ZNF93: variants seen among roughly 807,000 people sequenced by gnomAD.
The protein encoded by ZNF93 is zinc finger protein 505.
A neutral mutation model predicts 45.0 loss-of-function variants in ZNF93; 29 were observed. The observed-to-expected ratio is 0.64, with a 90% CI of 0.48 to 0.88. The LOEUF is 0.88. Among genes scored for constraint, ZNF93 ranks in the 40% least tolerant of loss-of-function variants. The probability of loss-of-function intolerance (pLI) is 0.00; values close to 1 mark genes in which losing one functional copy is unlikely to be tolerated. For synonymous variants in ZNF93, 223 were observed against 244.6 expected, an observed-to-expected ratio of 0.91 and a Z score of 0.82; for missense variants, 578 against 724.0, an observed-to-expected ratio of 0.80 and a Z score of 2.31.
At chr19:19,917,004 A>G (rs1057348026) in intron 3 of ZNF93, among the ~76,000 whole-genome samples, 1 of 152,184 alleles carries the variant, frequency 6.6e-6, no homozygotes, top group Non-Finnish European at 1.5e-5. Flanking sequence ...TTGAAAAACT[A>G]AAACTACTTT....
intron 1 of ZNF93, chr19:19,914,627 C>T: frequency 5.1e-6 from 1 of 197,788 alleles, no homozygotes. Flanking sequence ...CATCCTTATC[C>T]AGCGGATTTG....
At chr19:19,930,684 ATC>A (rs1024459869) in intron 3 of ZNF93, among the ~76,000 whole-genome samples, 6 of 152,090 alleles carry the variant, frequency 3.9e-5, no homozygotes, top group Admixed American at 3.3e-4. Flanking sequence ...CTCAGCTCCT[ATC>A]TCTGTATGGC....
chr19:19,919,319 T>G (rs1248945296), intron 3 of ZNF93, among the ~76,000 whole-genome samples: 1 of 152,216 alleles, frequency 6.6e-6, no homozygotes, highest in African/African-American at 2.4e-5. Context: ...TATATCTCTG[T>G]TTTGGTACCA....
chr19:19,904,304 C>T (rs1232072532), intron 1 of ZNF93, among the ~76,000 whole-genome samples: 1 of 152,074 alleles, frequency 6.6e-6, no homozygotes, highest in East Asian at 1.9e-4. Flanking sequence ...TGTGTTTCAT[C>T]TTTCCCCATC....
chr19:19,915,551 T>C, intron 2 of ZNF93, 145 bp downstream of exon 2: 1 of 1,227,158 alleles, frequency 8.1e-7, no homozygotes, highest in Non-Finnish European at 1.1e-6. Flanking sequence ...TTTGTTCATT[T>C]AGAAAAGAAT....
chr19:19,911,807 T>C (rs1425479696), intron 1 of ZNF93, among the ~76,000 whole-genome samples: 1 of 152,036 alleles, frequency 6.6e-6, no homozygotes, highest in African/African-American at 2.4e-5. Flanking sequence ...TGGCTTGCAG[T>C]GGCACGATCT....
chr19:19,933,993 T>C lies in ZNF93; in HGVS notation c.1038T>C (p.Cys346=), dbSNP rs2063383783. The change falls in exon 4 of 4, where the codon TGT becomes TGC. Residue 346 remains cysteine (C), a synonymous_variant. Transcript: ENST00000343769. The stretch of plus-strand genomic sequence containing the variant: ...AGAAACCATACAAGTGTAATAAATG[T>C]GGCAAAGCCTTTATTGCATCCTCAA... ...TGEKPYKCNK[C]GKAFIASSTL... 1.2e-6 allele frequency: 2 copies of C among 1,612,670 alleles called. No homozygotes were observed. The highest frequency in any genetic ancestry group is 2.2e-5 in the East Asian group (1 of 44,880).
Position 19,934,606 on chromosome 19 carries a change from C to T in ZNF93, c.1651C>T (p.His551Tyr), listed in dbSNP as rs1048807592. Residue 551 changes from histidine to tyrosine, a missense_variant, in exon 4 of 4, where the codon CAC becomes TAC. By Grantham distance (83) the His-to-Tyr change is moderately conservative. Around this residue, in one of 3 missense-constraint regions of ZNF93, gnomAD observed 119 missense variants for 123.1 expected, o/e 0.97. Transcript: ENST00000343769. ...TGGCAAAGCTTTTCACCTATCCACACACCTTACTACACATAAGATACTTCA... is the reference window on the plus strand; with the variant it reads ...TGGCAAAGCTTTTCACCTATCCACATACCTTACTACACATAAGATACTTCA... Reference protein sequence around the residue: ...ECGKAFHLSTHLTTHKILHTG... With the variant: ...ECGKAFHLSTYLTTHKILHTG... 1 of 1,613,648 alleles carries T rather than the reference C, an allele frequency of 6.2e-7. No homozygotes were observed. The highest frequency in any genetic ancestry group is 2.2e-5 in the East Asian group (1 of 44,848).
At chr19:19,927,376 C>T (rs2063359517) in intron 3 of ZNF93, 1 of 394,108 alleles carries the variant, frequency 2.5e-6, no homozygotes, top group Admixed American at 4.4e-5. Flanking sequence ...CTGTTCATTT[C>T]AGGCATGTTA....
chr19:19,910,339 C>T (rs2063304232), intron 1 of ZNF93, among the ~76,000 whole-genome samples: 1 of 152,156 alleles, frequency 6.6e-6, no homozygotes, highest in South Asian at 2.1e-4. Context: ...TCTCTTGAAA[C>T]TGTTCACTAT....
intron 1 of ZNF93, among the ~76,000 whole-genome samples, chr19:19,906,674 G>A (rs76627390): frequency 0.028 from 4,280 of 152,078 alleles, 141 homozygotes; most frequent in African/African-American, 0.084. Context: ...TTTCATTTAA[G>A]TGTTTAATTT....
chr19:19,905,901 T>G (rs1266600631), intron 1 of ZNF93, among the ~76,000 whole-genome samples: 1 of 152,214 alleles, frequency 6.6e-6, no homozygotes, highest in South Asian at 2.1e-4. Flanking sequence ...CATACTGTAT[T>G]TTCTTTATTC....
Position 19,934,595 on chromosome 19 carries a change from A to G in ZNF93, c.1640A>G (p.His547Arg). 1 of 1,613,850 alleles carries G rather than the reference A, an allele frequency of 6.2e-7. No homozygotes were observed. Among genetic ancestry groups the G allele is most frequent in the Non-Finnish European group, 8.5e-7 (1 of 1,179,986 alleles). The change falls in exon 4 of 4, where the codon CAC (histidine) becomes CGC (arginine). Residue 547 changes from histidine (H) to arginine (R), a missense_variant. Transcript: ENST00000343769. ...TGTGAAGAATGTGGCAAAGCTTTTC[A>G]CCTATCCACACACCTTACTACACAT... ...YKCEECGKAFHLSTHLTTHKI... is the reference protein window; with the variant it reads ...YKCEECGKAFRLSTHLTTHKI...
intron 3 of ZNF93, 132 bp downstream of exon 3, chr19:19,916,787 TG>T (rs1390312154): frequency 7.8e-6 from 5 of 643,848 alleles, no homozygotes; most frequent in Non-Finnish European, 1.3e-5. Flanking sequence ...AGCTGTTTTT[TG>T]TTTTTGTTTC....
chr19:19,933,613 AAG>A lies in ZNF93; in HGVS notation c.662_663del (p.Arg221AsnfsTer11), dbSNP rs780348112. 6.8e-6 allele frequency: 11 copies of A among 1,609,848 alleles called. No homozygotes were observed. Among genetic ancestry groups the A allele is most frequent in the Non-Finnish European group, 8.5e-6 (10 of 1,178,276 alleles). On this transcript the variant is annotated frameshift_variant, in exon 4 of 4. Coordinates refer to ENST00000343769, the MANE Select transcript of ZNF93 (RefSeq NM_031218.4). LOFTEE classifies it high-confidence loss of function. The part of the protein sequence containing the change: ...FKYSSALNTH[K>X]RIHTGEKPYK... Reference sequence around the variant, plus strand: ...GTACTCCTCTGCCCTTAATACACATAAGAGAATTCATACTGGAGAGAAACCAT... The same window carrying A: ...GTACTCCTCTGCCCTTAATACACATAAGAATTCATACTGGAGAGAAACCAT...
intron 3 of ZNF93, among the ~76,000 whole-genome samples, chr19:19,921,384 A>G (rs1348463450): frequency 2.0e-5 from 3 of 152,170 alleles, no homozygotes; most frequent in Non-Finnish European, 4.4e-5. Context: ...TTTTGGAATA[A>G]GTGCAGTGTG....
intron 3 of ZNF93, among the ~76,000 whole-genome samples, chr19:19,920,683 G>T (rs1244490797): frequency 6.6e-6 from 1 of 152,194 alleles, no homozygotes; most frequent in Non-Finnish European, 1.5e-5. Context: ...GAGGGTGTAT[G>T]TGTTGAGGAA....
chr19:19,924,330 A>G (rs546736328), intron 3 of ZNF93, among the ~76,000 whole-genome samples: 25 of 152,138 alleles, frequency 1.6e-4, no homozygotes, highest in African/African-American at 5.8e-4. Flanking sequence ...ACCTTAGATG[A>G]TCCGCCCGTC....
At chr19:19,912,857 A>G (rs1220054237) in intron 1 of ZNF93, among the ~76,000 whole-genome samples, 2 of 152,226 alleles carry the variant, frequency 1.3e-5, no homozygotes, top group Non-Finnish European at 2.9e-5. Flanking sequence ...GCTCTGTATC[A>G]TACTCTAGCA....
Sources: gnomAD v4.1 joint callset for allele counts (sites outside exome capture counted in the v4.1 genomes callset) on GRCh38, gnomAD v4.1.1 for gene constraint, gnomAD v4.1.1 regional missense constraint, MANE v1.5 for transcripts, NCBI Gene and HGNC (gene_info 2026-07-23, HGNC 2026-07-21) for gene names.